Variants in USP50 observed in about 807,000 individuals in gnomAD.
USP50 encodes ubiquitin carboxyl-terminal hydrolase 50.
In USP50, 37 loss-of-function variants were observed where a neutral mutation model predicts 39.2. The observed-to-expected ratio is 0.94, with a 90% CI of 0.73 to 1.24. USP50 has a LOEUF of 1.24. Among genes scored for constraint, USP50 ranks in the 50% most tolerant of loss-of-function variants. USP50 has a pLI of 0.00. For synonymous variants in USP50, 139 were observed against 144.5 expected (o/e 0.96, Z 0.27); for missense variants, 374 against 398.2 (o/e 0.94, Z 0.52).
chr15:50,540,608 T>C (rs563985820), intron 4 of USP50, among the ~76,000 whole-genome samples: 8 of 152,264 alleles, frequency 5.3e-5, no homozygotes, highest in African/African-American at 1.9e-4. Flanking sequence ...CATCATGGAC[T>C]TCCTCTTTCT....
intron 6 of USP50, among the ~76,000 whole-genome samples, chr15:50,518,817 T>C (rs1412891653): frequency 6.6e-6 from 1 of 152,168 alleles, no homozygotes; most frequent in Admixed American, 6.5e-5. Context: ...AATGGGACTA[T>C]GTTAAACTAA....
intron 5 of USP50, 95 bp from the exon 6 acceptor site, chr15:50,530,024 TGACTG>T: frequency 1.5e-6 from 2 of 1,374,142 alleles, no homozygotes; most frequent in Non-Finnish European, 2.0e-6. Flanking sequence ...AGTAATTTCT[TGACTG>T]GGCACAGTGG....
intron 4 of USP50, among the ~76,000 whole-genome samples, chr15:50,539,269 C>T (rs2053010007): frequency 6.6e-6 from 1 of 151,522 alleles, no homozygotes; most frequent in African/African-American, 2.4e-5. Context: ...CCACCAAGCC[C>T]AGCTAATCTT....
chr15:50,523,175 C>CTTTTTTTTTTTTTTTTTT (rs57450027), intron 6 of USP50, among the ~76,000 whole-genome samples: 4 of 104,210 alleles, frequency 3.8e-5, no homozygotes, highest in African/African-American at 7.4e-5. Context: ...AAATCAGTAG[C>CTTTTTTTTTTTTTTTTTT]TTTTTTTTTT....
At chr15:50,519,463 C>G (rs1388339965) in intron 6 of USP50, among the ~76,000 whole-genome samples, 1 of 151,944 alleles carries the variant, frequency 6.6e-6, no homozygotes, top group African/African-American at 2.4e-5. Context: ...GCCTGTAATC[C>G]CAGCACTTTG....
At chr15:50,524,998 T>C (rs1334185959) in intron 6 of USP50, among the ~76,000 whole-genome samples, 1 of 152,218 alleles carries the variant, frequency 6.6e-6, no homozygotes, top group Non-Finnish European at 1.5e-5. Flanking sequence ...CATTGCAGTA[T>C]TGTTCACAAT....
intron 6 of USP50, among the ~76,000 whole-genome samples, chr15:50,519,640 G>T (rs370904837): frequency 1.3e-5 from 2 of 151,922 alleles, no homozygotes; most frequent in Non-Finnish European, 2.9e-5. Context: ...GCATGAACCC[G>T]GGAGGCGGAG....
chr15:50,494,573 T>C (rs979034639), intron 1 of USP50, among the ~76,000 whole-genome samples: 5 of 152,250 alleles, frequency 3.3e-5, no homozygotes, highest in African/African-American at 1.2e-4. Context: ...AATGATCTTA[T>C]AAAAGATTAT....
At chr15:50,495,979 C>T (rs1394059432), downstream of USP50, 4 of 1,613,854 alleles carry the variant, frequency 2.5e-6, no homozygotes, top group Admixed American at 5.0e-5. Context: ...AGGGTCAATT[C>T]AAATCTACAG....
chr15:50,544,358 G>C (rs899861906), intron 2 of USP50, among the ~76,000 whole-genome samples: 1 of 151,272 alleles, frequency 6.6e-6, no homozygotes, highest in Non-Finnish European at 1.5e-5. Context: ...CGAGACCCTG[G>C]CTCAACAACA....
Position 50,529,554 on chromosome 15 carries a change from C to A in USP50, c.936+243G>T, listed in dbSNP as rs139555848. ...CTGCTGCTTCTAGGAGCACAATTTG[C>A]AGTATCCTTAGATCTTAGATCTGAA... On this transcript the variant is annotated intron_variant, in intron 6 of 6. Coordinates refer to ENST00000532404, the MANE Select transcript of USP50 (RefSeq NM_203494.5). Among the ~76,000 whole-genome samples, 54 of 152,192 alleles carry A rather than the reference C, an allele frequency of 3.5e-4. 1 individual carries two copies. The East Asian group carries it at 9.5e-3, about 27-fold the overall frequency.
intron 4 of USP50, among the ~76,000 whole-genome samples, chr15:50,539,425 T>A (rs1294563799): frequency 7.9e-5 from 4 of 50,396 alleles, no homozygotes; most frequent in African/African-American, 1.1e-4. Flanking sequence ...GATTTTGCAA[T>A]TTTTTTTTTT....
chr15:50,535,571 A>G (rs1232181570), intron 5 of USP50, among the ~76,000 whole-genome samples: 5 of 152,238 alleles, frequency 3.3e-5, no homozygotes, highest in African/African-American at 9.6e-5. Flanking sequence ...CATGGAGATT[A>G]AGCAACACAC....
downstream of USP50, chr15:50,493,445 A>C (rs757041354): frequency 3.9e-6 from 2 of 519,062 alleles, no homozygotes; most frequent in Non-Finnish European, 7.7e-6. Flanking sequence ...AAAGGGGAAA[A>C]TATCTTTATC....
At chr15:50,501,085 C>T in intron 6 of USP50, 1 of 422,376 alleles carries the variant, frequency 2.4e-6, no homozygotes, top group South Asian at 2.5e-5. Context: ...TTAGCAGCAT[C>T]TGATTAATGT....
rs186175004 is a variant in USP50 at position 50,525,601 on chromosome 15, T to C, written c.936+4196A>G. Among the ~76,000 whole-genome samples the C allele has an allele frequency of 2.0e-3, 283 of 142,896 alleles. 3 individuals are homozygous for C. The highest frequency in any genetic ancestry group is 7.1e-3 in the African/African-American group (277 of 38,812). The allele number at this position is 142,896 out of a possible 152,430, so 93.7% of individuals were successfully genotyped here. A position where few individuals can be genotyped will look rare whatever the true frequency, so the allele number is the denominator to read the frequency against. The stretch of plus-strand genomic sequence containing the variant: ...ATGTATATATGTATATGTATATATG[T>C]ATATGTATATATGTATATATGTATA... On this transcript the variant is annotated intron_variant, in intron 6 of 6. Transcript: ENST00000532404.
intron 6 of USP50, chr15:50,508,733 C>G (rs2052696562): frequency 6.6e-6 from 1 of 152,132 alleles, no homozygotes; most frequent in South Asian, 2.1e-4. Context: ...CACAGTGGTT[C>G]ATGCCTATAA....
At chr15:50,525,664 GTATATGTA>G (rs1371240542) in intron 6 of USP50, among the ~76,000 whole-genome samples, 1 of 44,900 alleles carries the variant, frequency 2.2e-5, no homozygotes, top group South Asian at 7.2e-4. Context: ...ATGTATATAT[GTATATGTA>G]TATATGTATA....
In USP50 at chr15:50,521,710, C is replaced by T. The variant is rs149148769; in HGVS notation, c.936+8087G>A. ...GAGTACAATGGCTCATGCCTGTAAT[C>T]CCAGCACTTTGGGAGGCCAAGGCAG... On this transcript the variant is annotated intron_variant, in intron 6 of 6. Transcript: ENST00000532404. 7.9e-5 allele frequency among the ~76,000 whole-genome samples: 12 copies of T among 152,284 alleles called. No homozygotes were observed. In the East Asian group the frequency reaches 1.9e-3, roughly 24 times the overall value.
Sources: gnomAD v4.1 joint callset for allele counts (sites outside exome capture counted in the v4.1 genomes callset) on GRCh38, gnomAD v4.1.1 for gene constraint, MANE v1.5 for transcripts, NCBI Gene and HGNC (gene_info 2026-07-23, HGNC 2026-07-21) for gene names.